The following ZNF654 variants were observed in gnomAD, a reference collection of about 807,000 sequenced individuals.
The protein encoded by ZNF654 is melanoma-associated antigen.
Under a neutral mutation model 95.3 loss-of-function variants are expected in ZNF654, and 19 were observed. The ratio of observed to expected loss-of-function variants is 0.20; its 90% confidence interval spans 0.14 to 0.29. The LOEUF (loss-of-function observed/expected upper bound fraction) is 0.29. Among genes scored for constraint, ZNF654 ranks in the 10% least tolerant of loss-of-function variants. The probability of loss-of-function intolerance (pLI) is 1.00; values close to 1 mark genes in which losing one functional copy is unlikely to be tolerated. For synonymous variants in ZNF654, 413 were observed against 457.9 expected (o/e 0.90, Z 1.25); for missense variants, 1,046 against 1,341.0 (o/e 0.78, Z 3.44).
Position 88,144,283 on chromosome 3 carries a change from G to C in ZNF654, c.*2631G>C, listed in dbSNP as rs1337348027. The C allele has an allele frequency of 6.6e-6, 1 of 152,190 alleles. No individual in the cohort carries two copies. The allele number at this position is 152,190 out of a possible 1,614,324, so 9.4% of individuals were successfully genotyped here. ...TTAAATAATTTATATCATTGAACTT[G>C]TGATTCTTTTCAAATCACACTGAAG... On this transcript the variant is annotated 3_prime_UTR_variant, in exon 9 of 9. Transcript: ENST00000636215.
intron 2 of ZNF654, among the ~76,000 whole-genome samples, chr3:88,111,275 A>G (rs919665057): frequency 1.3e-5 from 2 of 152,010 alleles, no homozygotes; most frequent in Non-Finnish European, 2.9e-5. Context: ...ATAACGAAAA[A>G]TAATTCTCCC....
In ZNF654 at chr3:88,085,912, T is replaced by C. The variant is rs1275332844; in HGVS notation, c.187-345T>C. On this transcript the variant is annotated intron_variant, in intron 1 of 8. Coordinates refer to ENST00000636215, the MANE Select transcript of ZNF654 (RefSeq NM_001350134.2). ...CATGATCGTTTCTAATTTTCTTTAT[T>C]ACTATATTCTACTCTCCAGCTATTT... Among the ~76,000 whole-genome samples the C allele has an allele frequency of 2.0e-5, 3 of 152,222 alleles. No individual in the cohort carries two copies. The East Asian group carries it at 5.8e-4, about 29-fold the overall frequency.
chr3:88,101,104 T>C (rs1208108895), intron 2 of ZNF654, among the ~76,000 whole-genome samples: 3 of 152,136 alleles, frequency 2.0e-5, no homozygotes, highest in Non-Finnish European at 4.4e-5. Context: ...TTGCTAGTTA[T>C]CTTTTTTTAT....
intron 1 of ZNF654, among the ~76,000 whole-genome samples, chr3:88,080,825 T>C (rs987151786): frequency 3.3e-5 from 5 of 152,224 alleles, no homozygotes; most frequent in Admixed American, 6.5e-5. Flanking sequence ...CAGATTTGTT[T>C]TTAAATTTTT....
chr3:88,060,355 A>G (rs1295900579), intron 1 of ZNF654, among the ~76,000 whole-genome samples: 10 of 152,214 alleles, frequency 6.6e-5, no homozygotes, highest in Admixed American at 5.9e-4. Context: ...GTAATCAAAT[A>G]TAACAAATAT....
intron 3 of ZNF654, among the ~76,000 whole-genome samples, chr3:88,115,762 G>A (rs1203248156): frequency 6.6e-6 from 1 of 152,032 alleles, no homozygotes; most frequent in African/African-American, 2.4e-5. Context: ...TTTACTTCCA[G>A]TAGTTTTTGT....
At position 88,136,129 on chromosome 3, in the gene ZNF654, G is replaced by A. The variant is rs187141875; in HGVS notation, c.1035+927G>A. On this transcript the variant is annotated intron_variant, in intron 7 of 8. Coordinates refer to ENST00000636215, the MANE Select transcript of ZNF654 (RefSeq NM_001350134.2). ...AGAGGAAAACTATGTTACAGAACAC[G>A]TCTTAACATTTGATGTGCATCAGAA... is the stretch of plus-strand genomic sequence containing the variant. Among the ~76,000 whole-genome samples the A allele has an allele frequency of 4.4e-3, 677 of 152,136 alleles. 3 individuals carry two copies. Among genetic ancestry groups the A allele is most frequent in the African/African-American group, 0.015 (627 of 41,534 alleles).
intron 2 of ZNF654, among the ~76,000 whole-genome samples, chr3:88,093,920 C>T (rs1446548255): frequency 3.9e-5 from 6 of 152,152 alleles, no homozygotes; most frequent in Admixed American, 6.6e-5. Flanking sequence ...TGCCCATCTC[C>T]ACAGCATCTA....
intron 6 of ZNF654, among the ~76,000 whole-genome samples, chr3:88,130,859 A>C (rs985788170): frequency 6.6e-6 from 1 of 152,070 alleles, no homozygotes; most frequent in Non-Finnish European, 1.5e-5. Context: ...TTTGTTTTCT[A>C]GGGGTTACAG....
chr3:88,061,136 A>G (rs537197011), intron 1 of ZNF654, among the ~76,000 whole-genome samples: 5 of 152,284 alleles, frequency 3.3e-5, no homozygotes, highest in Middle Eastern at 3.4e-3. Context: ...AAACCACGCT[A>G]TTGGTAGATT....
chr3:88,094,872 A>G (rs900628774), intron 2 of ZNF654, among the ~76,000 whole-genome samples: 2 of 151,992 alleles, frequency 1.3e-5, no homozygotes, highest in African/African-American at 4.8e-5. Context: ...TTTACTGTGG[A>G]ATGAAGAAAA....
chr3:88,127,337 G>T (rs575250760), intron 4 of ZNF654, among the ~76,000 whole-genome samples: 1 of 152,094 alleles, frequency 6.6e-6, no homozygotes, highest in Non-Finnish European at 1.5e-5. Flanking sequence ...GGGATGGGAG[G>T]TGGGACAAGA....
At chr3:88,097,667 G>C (rs1704142311) in intron 2 of ZNF654, among the ~76,000 whole-genome samples, 1 of 151,390 alleles carries the variant, frequency 6.6e-6, no homozygotes, top group African/African-American at 2.5e-5. Flanking sequence ...TAGAACTCAG[G>C]ATTAAGAAAC....
intron 3 of ZNF654, among the ~76,000 whole-genome samples, chr3:88,115,451 A>AT (rs781637286): frequency 1.5e-4 from 23 of 152,364 alleles, no homozygotes; most frequent in Admixed American, 6.5e-4. Flanking sequence ...GCTTGGCATA[A>AT]TTCCTGGCAA....
chr3:88,083,046 CTCCTCCCTCT>C (rs982297015), intron 1 of ZNF654, among the ~76,000 whole-genome samples: 10 of 151,928 alleles, frequency 6.6e-5, no homozygotes, highest in Middle Eastern at 3.4e-3. Context: ...CTCCTCACTC[CTCCTCCCTCT>C]TCCTCCCTCT....
At chr3:88,126,342 G>GT in intron 4 of ZNF654, 73 bp downstream of exon 4, 1 of 1,281,572 alleles carries the variant, frequency 7.8e-7, no homozygotes, top group South Asian at 2.6e-5. Flanking sequence ...AACTAGAGCA[G>GT]TAATAGTAAT....
At chr3:88,114,583 C>T (rs1705279753) in intron 3 of ZNF654, among the ~76,000 whole-genome samples, 1 of 152,170 alleles carries the variant, frequency 6.6e-6, no homozygotes, top group Non-Finnish European at 1.5e-5. Flanking sequence ...ACCTGCCTCC[C>T]CCAGCCTTTT....
Position 88,139,391 on chromosome 3 carries a change from T to C in ZNF654, c.1722T>C (p.Cys574=), listed in dbSNP as rs1706983709. Residue 574 remains cysteine, a synonymous_variant, in exon 8 of 9, where the codon TGT becomes TGC. Transcript: ENST00000636215. ...ATCAGAAAAAAGGCAGTTTTGCATG[T>C]GTAATATGTGGTAGGAAATTTAGAA... ...QAHQKKGSFA[C]VICGRKFRNR... 1 of 1,613,552 alleles carries C rather than the reference T, an allele frequency of 6.2e-7. No individual in the cohort carries two copies. The highest frequency in any genetic ancestry group is 8.5e-7 in the Non-Finnish European group (1 of 1,179,786).
intron 1 of ZNF654, 92 bp downstream of exon 1, chr3:88,059,597 C>G: frequency 1.4e-6 from 2 of 1,415,958 alleles, no homozygotes; most frequent in East Asian, 2.7e-5. Flanking sequence ...TGGTCTATGT[C>G]CAGTGCCCGC....
Sources: allele counts gnomAD v4.1 joint callset (sites outside exome capture counted in the v4.1 genomes callset), GRCh38; gene constraint gnomAD v4.1.1; transcripts MANE v1.5; gene names NCBI Gene and HGNC (gene_info 2026-07-23, HGNC 2026-07-21).